The following SLFN5 variants were observed in gnomAD, a reference collection of about 807,000 sequenced individuals.
The protein encoded by SLFN5 is schlafen family member 5.
A neutral mutation model predicts 48.5 loss-of-function variants in SLFN5; 34 were observed. The ratio of observed to expected loss-of-function variants is 0.70; its 90% CI spans 0.53 to 0.93. The LOEUF (loss-of-function observed/expected upper bound fraction) is 0.93, where lower values mean the gene tolerates loss of function less well. Ranked by LOEUF, SLFN5 falls within the 40% of genes least tolerant of loss-of-function variation. SLFN5 has a pLI of 0.00. For synonymous variants in SLFN5, 387 were observed against 396.2 expected, an observed-to-expected ratio of 0.98 and a Z score of 0.28; for missense variants, 1,006 against 1,071.3, an observed-to-expected ratio of 0.94 and a Z score of 0.85.
Position 35,259,708 on chromosome 17 carries a change from G to A in SLFN5, c.1012+6G>A. The A allele has an allele frequency of 3.8e-6, 6 of 1,598,788 alleles. No individual in the cohort carries two copies. Among genetic ancestry groups the A allele is most frequent in the Middle Eastern group, 1.7e-4 (1 of 6,054 alleles). ...GATGATGGAAGCTGACCCAGGTTAG[G>A]GAGCAATATCCACAATGGTTGTAAT... On this transcript the variant is annotated splice_donor_region_variant and intron_variant, in intron 2 of 4. Coordinates refer to ENST00000299977, the MANE Select transcript of SLFN5 (RefSeq NM_144975.4).
chr17:35,265,987 G>A lies in SLFN5; in HGVS notation c.*99G>A. On this transcript the variant is annotated 3_prime_UTR_variant, in exon 5 of 5. Transcript: ENST00000299977. ...ATGTAAGCACACACTCACTTATTAA[G>A]TCACATACTTTTCTAGGTGCTGGGG... 1 of 1,285,952 alleles carries A rather than the reference G, an allele frequency of 7.8e-7. No homozygotes were observed. Among genetic ancestry groups the A allele is most frequent in the Admixed American group, 2.6e-5 (1 of 38,820 alleles). The allele number at this position is 1,285,952 out of a possible 1,614,324, so 79.7% of individuals were successfully genotyped here.
chr17:35,248,243 C>G (rs1395521550), intron 1 of SLFN5, among the ~76,000 whole-genome samples: 5 of 152,126 alleles, frequency 3.3e-5, no homozygotes, highest in Admixed American at 1.3e-4. Flanking sequence ...CAAAATTGTT[C>G]ATTTGACATG....
chr17:35,273,590 G>A lies in SLFN5; in HGVS notation c.*7702G>A, dbSNP rs1904887789. 1 of 152,028 alleles carries A rather than the reference G, an allele frequency of 6.6e-6. No homozygotes were observed. Among genetic ancestry groups the A allele is most frequent in the African/African-American group, 2.4e-5 (1 of 41,390 alleles). 9.4% of individuals were successfully genotyped at this position (152,028 alleles called of 1,614,324 possible). On this transcript the variant is annotated 3_prime_UTR_variant, in exon 5 of 5. Transcript: ENST00000299977. ...TGTCTATATATACAAAAATGTAAGT[G>A]TTAACATTTTTATATTTGCTTCAAG...
Position 35,272,466 on chromosome 17 carries a change from T to G in SLFN5, c.*6578T>G, listed in dbSNP as rs1904855778. 6.6e-6 allele frequency: 1 copy of G among 151,954 alleles called. No homozygotes were observed. Among genetic ancestry groups the G allele is most frequent in the Non-Finnish European group, 1.5e-5 (1 of 67,984 alleles). 9.4% of individuals were successfully genotyped at this position (151,954 alleles called of 1,614,324 possible). ...AAGTGCATGAAGAAGAAGTAGCACT[T>G]AAAAAAATAATAATCTCAGCATGGG... is the stretch of plus-strand genomic sequence containing the variant. On this transcript the variant is annotated 3_prime_UTR_variant, in exon 5 of 5. Coordinates refer to ENST00000299977, the MANE Select transcript of SLFN5 (RefSeq NM_144975.4).
chr17:35,244,864 C>A (rs908142899), intron 1 of SLFN5, among the ~76,000 whole-genome samples: 1 of 151,922 alleles, frequency 6.6e-6, no homozygotes, highest in Non-Finnish European at 1.5e-5. Flanking sequence ...ATTGCTTGAA[C>A]CACCCCCTCC....
rs1555592875 is a variant in SLFN5, at chr17:35,266,177, T to TCTGTGTGTGCGC, written c.*289_*290insCTGTGTGTGCGC. On this transcript the variant is annotated 3_prime_UTR_variant, in exon 5 of 5. Coordinates refer to ENST00000299977, the MANE Select transcript of SLFN5 (RefSeq NM_144975.4). ...GTGTGTGTGTGTGTGTGTGTGTGTG[T>TCTGTGTGTGCGC]GCGCGCGCGCACGTGCACATGTGTG... 3.5e-5 allele frequency: 6 copies of TCTGTGTGTGCGC among 173,338 alleles called. No individual in the cohort carries two copies. Among genetic ancestry groups the TCTGTGTGTGCGC allele is most frequent in the Non-Finnish European group, 7.0e-5 (6 of 85,184 alleles). 10.7% of individuals were successfully genotyped at this position (173,338 alleles called of 1,614,324 possible).
Position 35,265,931 on chromosome 17 carries a change from C to T in SLFN5, c.*43C>T. On this transcript the variant is annotated 3_prime_UTR_variant, in exon 5 of 5. Transcript: ENST00000299977. ...AGAAACAATTAAGTGGTTCTCATCT[C>T]TAATTAACTGTGAAACCATTTAATC... 6.6e-7 allele frequency: 1 copy of T among 1,519,994 alleles called. No homozygotes were observed. The highest frequency in any genetic ancestry group is 8.8e-7 in the Non-Finnish European group (1 of 1,134,098). 94.2% of individuals were successfully genotyped at this position (1,519,994 alleles called of 1,614,324 possible). A position where few individuals can be genotyped will look rare whatever the true frequency, so the allele number is the denominator to read the frequency against.
chr17:35,272,054 A>G lies in SLFN5; in HGVS notation c.*6166A>G, dbSNP rs1237492402. 2 of 152,100 alleles carry G rather than the reference A, an allele frequency of 1.3e-5. No homozygotes were observed. The highest frequency in any genetic ancestry group is 2.4e-5 in the African/African-American group (1 of 41,408). The allele number at this position is 152,100 out of a possible 1,614,324, so 9.4% of individuals were successfully genotyped here. A position where few individuals can be genotyped will look rare whatever the true frequency, so the allele number is the denominator to read the frequency against. ...TCTCAAAAAAAAAAAAATTATTGGA[A>G]ACTACGAGGCAAGAATATCCAAGAA... On this transcript the variant is annotated 3_prime_UTR_variant, in exon 5 of 5. Coordinates refer to ENST00000299977, the MANE Select transcript of SLFN5 (RefSeq NM_144975.4).
intron 1 of SLFN5, among the ~76,000 whole-genome samples, chr17:35,251,648 C>A (rs149024038): frequency 0.012 from 1,855 of 150,850 alleles, 45 homozygotes; most frequent in East Asian, 0.069. Flanking sequence ...TCGTGATCTG[C>A]CAGCCTCGGC....
At position 35,259,484 on chromosome 17, in the gene SLFN5, A is replaced by G. The variant is rs1567790976; in HGVS notation, c.794A>G (p.His265Arg). 6.2e-7 allele frequency: 1 copy of G among 1,614,256 alleles called. No individual in the cohort carries two copies. Among genetic ancestry groups the G allele is most frequent in the Admixed American group, 1.7e-5 (1 of 60,032 alleles). The change falls in exon 2 of 5, where the codon CAT becomes CGT. Residue 265 changes from histidine to arginine, a missense_variant. By Grantham distance (29) the His-to-Arg change is conservative. Transcript: ENST00000299977. ...IDGCIKKLPV[H>R]HFCTQRPEIK... ...GGCTGTATTAAGAAGCTACCTGTCCATCATTTCTGCACACAGAGGCCTGAG... is the reference window on the plus strand; with the variant it reads ...GGCTGTATTAAGAAGCTACCTGTCCGTCATTTCTGCACACAGAGGCCTGAG...
intron 1 of SLFN5, among the ~76,000 whole-genome samples, 188 bp from the exon 2 acceptor site, chr17:35,258,463 G>A (rs936402610): frequency 1.3e-5 from 2 of 152,016 alleles, no homozygotes; most frequent in Admixed American, 6.6e-5. Flanking sequence ...ATCTCCCACC[G>A]GCTTCCTCCT....
chr17:35,262,295 G>A (rs1188567013), intron 3 of SLFN5, among the ~76,000 whole-genome samples: 5 of 150,410 alleles, frequency 3.3e-5, no homozygotes, highest in South Asian at 2.1e-4. Context: ...CAGGAGAATC[G>A]CTTGAACCCT....
chr17:35,243,857 A>G (rs550690721), intron 1 of SLFN5, among the ~76,000 whole-genome samples: 23 of 152,262 alleles, frequency 1.5e-4, no homozygotes, highest in Non-Finnish European at 2.6e-4. Context: ...GCTTGGAGAC[A>G]GAGGAAGATT....
chr17:35,265,949 A>G lies in SLFN5; in HGVS notation c.*61A>G. On this transcript the variant is annotated 3_prime_UTR_variant, in exon 5 of 5. Coordinates refer to ENST00000299977, the MANE Select transcript of SLFN5 (RefSeq NM_144975.4). ...CTCATCTCTAATTAACTGTGAAACC[A>G]TTTAATCCAAACATGTAAGCACACA... 2.0e-6 allele frequency: 3 copies of G among 1,486,546 alleles called. No individual in the cohort carries two copies. The African/African-American group carries it at 4.2e-5, about 21-fold the overall frequency. 92.1% of individuals were successfully genotyped at this position (1,486,546 alleles called of 1,614,324 possible). A position where few individuals can be genotyped will look rare whatever the true frequency, so the allele number is the denominator to read the frequency against.
chr17:35,246,871 T>A (rs1033625853), intron 1 of SLFN5, among the ~76,000 whole-genome samples: 3 of 148,864 alleles, frequency 2.0e-5, no homozygotes, highest in Admixed American at 1.3e-4. Flanking sequence ...AAAAAAAAAA[T>A]TATTTTGTTC....
intron 1 of SLFN5, among the ~76,000 whole-genome samples, chr17:35,244,495 A>C (rs1018748973): frequency 5.3e-5 from 8 of 152,162 alleles, no homozygotes; most frequent in Non-Finnish European, 1.0e-4. Context: ...AAGGGGGCGG[A>C]GGCTGTGCCT....
chr17:35,269,978 A>G lies in SLFN5; in HGVS notation c.*4090A>G, dbSNP rs1904792429. 6.6e-6 allele frequency: 1 copy of G among 152,188 alleles called. No homozygotes were observed. Among genetic ancestry groups the G allele is most frequent in the Non-Finnish European group, 1.5e-5 (1 of 68,024 alleles). 9.4% of individuals were successfully genotyped at this position (152,188 alleles called of 1,614,324 possible). On this transcript the variant is annotated 3_prime_UTR_variant, in exon 5 of 5. Transcript: ENST00000299977. Reference sequence around the variant, plus strand: ...ATTTAGTCATTTTAATATTAGATAAATCTTCCTGTAACTGAAAGTTCTTGA... The same window carrying G: ...ATTTAGTCATTTTAATATTAGATAAGTCTTCCTGTAACTGAAAGTTCTTGA...
In SLFN5 at chr17:35,265,960, A is replaced by C; in HGVS notation, c.*72A>C. 1 of 1,416,776 alleles carries C rather than the reference A, an allele frequency of 7.1e-7. No individual in the cohort carries two copies. The highest frequency in any genetic ancestry group is 9.5e-7 in the Non-Finnish European group (1 of 1,051,308). The allele number at this position is 1,416,776 out of a possible 1,614,324, so 87.8% of individuals were successfully genotyped here. On this transcript the variant is annotated 3_prime_UTR_variant, in exon 5 of 5. Coordinates refer to ENST00000299977, the MANE Select transcript of SLFN5 (RefSeq NM_144975.4). ...TTAACTGTGAAACCATTTAATCCAAACATGTAAGCACACACTCACTTATTA... is the reference window on the plus strand; with the variant it reads ...TTAACTGTGAAACCATTTAATCCAACCATGTAAGCACACACTCACTTATTA...
chr17:35,249,437 A>C (rs2092437606), intron 1 of SLFN5, among the ~76,000 whole-genome samples: 1 of 152,232 alleles, frequency 6.6e-6, no homozygotes, highest in Admixed American at 6.5e-5. Flanking sequence ...GCCTTTCCCT[A>C]AACACTCAAG....
Sources: gnomAD v4.1 joint callset for allele counts (sites outside exome capture counted in the v4.1 genomes callset) on GRCh38, gnomAD v4.1.1 for gene constraint, MANE v1.5 for transcripts, NCBI Gene and HGNC (gene_info 2026-07-23, HGNC 2026-07-21) for gene names.